KIR3DL3: variants seen among roughly 807,000 people sequenced by gnomAD.
KIR3DL3 encodes killer cell immunoglobulin-like receptor 3DL3.
In KIR3DL3, 27 loss-of-function variants were observed where a neutral mutation model predicts 34.9. The observed-to-expected ratio is 0.77, with a 90% confidence interval of 0.57 to 1.07. The LOEUF is 1.07. Ranked by LOEUF, KIR3DL3 falls within the 50% of genes least tolerant of loss-of-function variation. The probability of loss-of-function intolerance (pLI) is 0.00; values close to 1 mark genes in which losing one functional copy is unlikely to be tolerated. For missense variants in KIR3DL3, 681 were observed against 528.5 expected, an observed-to-expected ratio of 1.29 and a Z score of -2.83; for synonymous variants, 217 against 200.2, an observed-to-expected ratio of 1.08 and a Z score of -0.71.
chr19:54,724,764 T>TGG (rs2067955789), intron 1 of KIR3DL3, among the ~76,000 whole-genome samples: 1 of 79,660 alleles, frequency 1.3e-5, no homozygotes, highest in East Asian at 3.4e-4. Flanking sequence ...CCTGGAACTG[T>TGG]AGATATGGGC....
chr19:54,729,827 G>C, intron 5 of KIR3DL3, 41 bp downstream of exon 5: 1 of 1,562,262 alleles, frequency 6.4e-7, no homozygotes. Context: ...TGTGATCCTA[G>C]AGCCATAGCT....
At chr19:54,729,882 G>C in intron 5 of KIR3DL3, 96 bp downstream of exon 5, 5 of 1,217,190 alleles carry the variant, frequency 4.1e-6, no homozygotes, top group Non-Finnish European at 5.7e-6. Flanking sequence ...GACAGATGCC[G>C]AGACAGAACA....
At chr19:54,729,088 A>G (rs2068512612) in intron 4 of KIR3DL3, among the ~76,000 whole-genome samples, 1 of 149,616 alleles carries the variant, frequency 6.7e-6, no homozygotes, top group African/African-American at 2.5e-5. Context: ...GATAGGTCAT[A>G]GATACACAGA....
chr19:54,733,480 T>G (rs1445731588), intron 5 of KIR3DL3, among the ~76,000 whole-genome samples: 34 of 152,096 alleles, frequency 2.2e-4, no homozygotes, highest in African/African-American at 8.0e-4. Context: ...TGAACTGAGA[T>G]CGCATCACTG....
intron 5 of KIR3DL3, 76 bp from the exon 6 acceptor site, chr19:54,735,177 A>T: frequency 8.6e-7 from 1 of 1,163,014 alleles, no homozygotes; most frequent in Non-Finnish European, 1.3e-6. Context: ...GTTACCTGTC[A>T]ATCAAGAAAT....
Position 54,726,158 on chromosome 19 carries a change from G to C in KIR3DL3, c.176G>C (p.Ser59Thr). The change falls in exon 3 of 8, where the codon AGT becomes ACT. Residue 59 changes from serine to threonine, a missense_variant. Transcript: ENST00000291860. ...CRSRLGFNEF[S>T]LSKEDGMPVP... ...TCTCGTCTTGGGTTTAATGAATTCAGTCTGTCCAAAGAAGACGGGATGCCT... is the reference window on the plus strand; with the variant it reads ...TCTCGTCTTGGGTTTAATGAATTCACTCTGTCCAAAGAAGACGGGATGCCT... 1 of 1,613,206 alleles carries C rather than the reference G, an allele frequency of 6.2e-7. No homozygotes were observed. Among genetic ancestry groups the C allele is most frequent in the Non-Finnish European group, 8.5e-7 (1 of 1,179,746 alleles).
chr19:54,734,220 T>C (rs2069169137), intron 5 of KIR3DL3, among the ~76,000 whole-genome samples: 1 of 151,734 alleles, frequency 6.6e-6, no homozygotes, highest in East Asian at 1.9e-4. Flanking sequence ...TCGCTGTGTA[T>C]CAATCCCAAT....
At chr19:54,729,245 A>T (rs2068532710) in intron 4 of KIR3DL3, among the ~76,000 whole-genome samples, 1 of 151,820 alleles carries the variant, frequency 6.6e-6, no homozygotes, top group Non-Finnish European at 1.5e-5. Context: ...CAGTCCAAGG[A>T]GGGTCAGAGA....
chr19:54,729,577 G>A lies in KIR3DL3; in HGVS notation c.740G>A (p.Arg247Gln), dbSNP rs1371900657. Residue 247 changes from arginine (R) to glutamine (Q), a missense_variant, in exon 5 of 8, where the codon CGG becomes CAG. Physicochemically the swap from Arg to Gln is conservative, Grantham distance 43. Coordinates refer to ENST00000291860, the MANE Select transcript of KIR3DL3 (RefSeq NM_153443.5). ...GENVTLSCSS[R>Q]SLFDIYHLSR... ...AATGTGACCTTGTCCTGCAGCTCCC[G>A]GAGCTTGTTTGACATTTACCATCTA... 33 of 1,606,578 alleles carry A rather than the reference G, an allele frequency of 2.1e-5. No homozygotes were observed. Among genetic ancestry groups the A allele is most frequent in the African/African-American group, 4.1e-5 (3 of 73,316 alleles).
At chr19:54,735,188 GTGAGA>G in intron 5 of KIR3DL3, 60 bp from the exon 6 acceptor site, 80 of 1,242,924 alleles carry the variant, frequency 6.4e-5, no homozygotes, top group South Asian at 8.6e-5. Context: ...ATCAAGAAAT[GTGAGA>G]CAATTCATAT....
chr19:54,730,153 A>T (rs1285651619), intron 5 of KIR3DL3, among the ~76,000 whole-genome samples: 6 of 152,260 alleles, frequency 3.9e-5, no homozygotes, highest in African/African-American at 1.4e-4. Context: ...ATCACCAGCA[A>T]CGCCTACACC....
intron 5 of KIR3DL3, among the ~76,000 whole-genome samples, chr19:54,734,106 C>T (rs1040855932): frequency 1.3e-5 from 2 of 152,076 alleles, no homozygotes; most frequent in African/African-American, 4.8e-5. Context: ...TAAGTCAGTT[C>T]TACTTCACTT....
Position 54,727,771 on chromosome 19 carries a change from C to A in KIR3DL3, c.516C>A (p.His172Gln). Reference sequence around the variant, plus strand: ...CCTTGCGCCTCGTTGGACAGCTCCACGATGCGGGTTCCCAGGTCAACTATT... The same window carrying A: ...CCTTGCGCCTCGTTGGACAGCTCCAAGATGCGGGTTCCCAGGTCAACTATT... ...EDPLRLVGQL[H>Q]DAGSQVNYSM... Residue 172 changes from histidine to glutamine, a missense_variant, in exon 4 of 8, where the codon CAC becomes CAA. Coordinates refer to ENST00000291860, the MANE Select transcript of KIR3DL3 (RefSeq NM_153443.5). The A allele has an allele frequency of 6.2e-7, 1 of 1,613,482 alleles. No homozygotes were observed. The highest frequency in any genetic ancestry group is 8.5e-7 in the Non-Finnish European group (1 of 1,179,848).
In KIR3DL3 at chr19:54,729,642, G is replaced by GTGC; in HGVS notation, c.808_810dup (p.Leu270dup). The GTGC allele has an allele frequency of 6.2e-7, 1 of 1,600,934 alleles. No homozygotes were observed. The highest frequency in any genetic ancestry group is 8.5e-7 in the Non-Finnish European group (1 of 1,176,318). ...GGCCGGTGAACTTAGGCTCACTGCA[G>GTGC]TGCTGAGGGTCAATGGAACATTCCA... On this transcript the variant is annotated inframe_insertion, in exon 5 of 8. Transcript: ENST00000291860.
At chr19:54,727,052 A>G (rs2068262023) in intron 3 of KIR3DL3, among the ~76,000 whole-genome samples, 1 of 137,202 alleles carries the variant, frequency 7.3e-6, no homozygotes, top group Non-Finnish European at 1.6e-5. Context: ...CATGGGTGGG[A>G]TACTGATGCT....
intron 6 of KIR3DL3, among the ~76,000 whole-genome samples, 188 bp from the exon 7 acceptor site, chr19:54,735,632 A>G (rs4020728): frequency 0.055 from 5,137 of 92,962 alleles, 243 homozygotes; most frequent in Middle Eastern, 0.081. Flanking sequence ...CAGAATCAAT[A>G]GGATGGGAAC....
chr19:54,724,614 TATGGGC>T, intron 1 of KIR3DL3, 84 bp downstream of exon 1: 1 of 1,586,868 alleles, frequency 6.3e-7, no homozygotes, highest in Non-Finnish European at 8.6e-7. Flanking sequence ...GGAGTGGAGA[TATGGGC>T]CTGGAGTGGA....
intron 3 of KIR3DL3, among the ~76,000 whole-genome samples, chr19:54,726,776 G>C (rs62131757): frequency 8.8e-6 from 1 of 113,668 alleles, no homozygotes; most frequent in Non-Finnish European, 1.9e-5. Context: ...ACAAAGGCAG[G>C]TGGCCTCTAA....
At chr19:54,735,744 T>C (rs674541) in intron 6 of KIR3DL3, 76 bp from the exon 7 acceptor site, 317,759 of 1,349,462 alleles carry the variant, frequency 0.24, 43,887 homozygotes, top group South Asian at 0.38. Flanking sequence ...CCTCCCCCTG[T>C]ATGTTGGTAT....
Sources: gnomAD v4.1 joint callset for allele counts (sites outside exome capture counted in the v4.1 genomes callset) on GRCh38, gnomAD v4.1.1 for gene constraint, MANE v1.5 for transcripts, NCBI Gene and HGNC (gene_info 2026-07-23, HGNC 2026-07-21) for gene names.